Variants in POLN observed in about 807,000 individuals in gnomAD.
POLN encodes the protein DNA polymerase nu, also known as DNA polymerase N.
A neutral mutation model predicts 113.5 loss-of-function variants in POLN; 108 were observed. That is an observed-to-expected ratio of 0.95 (90% CI 0.81 to 1.12). The LOEUF is 1.12. POLN is among the 50% of genes most tolerant of loss of function. The pLI is 0.00. For missense variants in POLN, 1,097 were observed against 1,077.1 expected (o/e 1.02, Z -0.26); for synonymous variants, 386 against 391.5 (o/e 0.99, Z 0.17).
chr4:2,158,750 T>A (rs1482001910), intron 14 of POLN, among the ~76,000 whole-genome samples: 1 of 152,156 alleles, frequency 6.6e-6, no homozygotes, highest in Non-Finnish European at 1.5e-5. Context: ...ACTCATGAAA[T>A]CCCTGGCAAA....
At chr4:2,077,737 A>G (rs1450238088) in intron 23 of POLN, among the ~76,000 whole-genome samples, 1 of 152,268 alleles carries the variant, frequency 6.6e-6, no homozygotes, top group Non-Finnish European at 1.5e-5. Flanking sequence ...CTGGTGTGGC[A>G]GGAACCTAAG....
At chr4:2,099,960 T>C (rs1484728030) in intron 19 of POLN, among the ~76,000 whole-genome samples, 2 of 151,412 alleles carry the variant, frequency 1.3e-5, no homozygotes, top group Admixed American at 6.6e-5. Context: ...GTCCCAGCTA[T>C]GTGGTGGGCT....
At chr4:2,231,177 G>A (rs1398389287) in intron 2 of POLN, 3 of 152,180 alleles carry the variant, frequency 2.0e-5, no homozygotes, top group Non-Finnish European at 2.9e-5. Flanking sequence ...TCTATAGCAG[G>A]GAATTATGGA....
chr4:2,216,076 C>T (rs965752659), intron 3 of POLN, among the ~76,000 whole-genome samples: 2 of 152,204 alleles, frequency 1.3e-5, no homozygotes, highest in Non-Finnish European at 2.9e-5. Context: ...GGGTGCTTCC[C>T]TGCCCCCAGT....
At chr4:2,109,920 T>C (rs1731151566) in intron 19 of POLN, among the ~76,000 whole-genome samples, 1 of 152,242 alleles carries the variant, frequency 6.6e-6, no homozygotes, top group South Asian at 2.1e-4. Context: ...CCATTTTTTC[T>C]CCTTCATTGA....
rs1400554453 is a variant in POLN, at chr4:2,126,543, A to G, written c.1982+1570T>C. ...AGTAGAGCAATACATGGGAATGTGC[A>G]TCGGACCAGAGAGGAGCAGAGACCA... On this transcript the variant is annotated intron_variant, in intron 19 of 25. Coordinates refer to ENST00000511885, the MANE Select transcript of POLN (RefSeq NM_181808.4). This position sits in a 1 kb window ranked among gnomAD's most constrained non-coding sequence, Gnocchi z 4.6. 1.3e-5 allele frequency among the ~76,000 whole-genome samples: 2 copies of G among 152,172 alleles called. No homozygotes were observed. The highest frequency in any genetic ancestry group is 2.9e-5 in the Non-Finnish European group (2 of 68,018).
chr4:2,091,134 G>A (rs1161697204), intron 20 of POLN, among the ~76,000 whole-genome samples: 1 of 152,194 alleles, frequency 6.6e-6, no homozygotes, highest in African/African-American at 2.4e-5. Flanking sequence ...TCACTTCCCA[G>A]TGCCTCTGGG....
At chr4:2,084,411 G>C (rs1730501612) in intron 21 of POLN, among the ~76,000 whole-genome samples, 2 of 152,226 alleles carry the variant, frequency 1.3e-5, no homozygotes, top group South Asian at 4.1e-4. Flanking sequence ...GTTCTTCTCA[G>C]ACCTGGACGC....
chr4:2,153,867 A>G (rs1732355127), intron 16 of POLN, among the ~76,000 whole-genome samples: 1 of 151,792 alleles, frequency 6.6e-6, no homozygotes, highest in African/African-American at 2.4e-5. Flanking sequence ...TACAGGTGTG[A>G]GCCACTGCAC....
intron 3 of POLN, among the ~76,000 whole-genome samples, chr4:2,214,498 T>C (rs1316114024): frequency 1.3e-5 from 2 of 151,892 alleles, no homozygotes; most frequent in Non-Finnish European, 2.9e-5. Context: ...ATTTACAAGA[T>C]AAGACAAACA....
At chr4:2,135,337 G>A (rs901156144) in intron 16 of POLN, among the ~76,000 whole-genome samples, 2 of 152,184 alleles carry the variant, frequency 1.3e-5, no homozygotes, top group Non-Finnish European at 2.9e-5. Context: ...CTTCAGCAAG[G>A]CCTCTCTGGA....
intron 19 of POLN, among the ~76,000 whole-genome samples, chr4:2,098,722 C>T (rs1222976264): frequency 1.3e-5 from 2 of 152,232 alleles, no homozygotes; most frequent in African/African-American, 2.4e-5. Flanking sequence ...GGCCTAGAAG[C>T]AACCTGCTCA....
Position 2,208,305 on chromosome 4 carries a change from CT to C in POLN, c.395del (p.Lys132ArgfsTer9), listed in dbSNP as rs554874741. ...TTAGGAAATGCTTTCTTTTATGCCC[CT>C]TTTTCTGTAGAACTGAAGCCTCTTG... ...YNQEASVLQKKGHKRKHFLME... is the reference protein window; with the variant it reads ...YNQEASVLQKXGHKRKHFLME... On this transcript the variant is annotated frameshift_variant, in exon 5 of 26. Coordinates refer to ENST00000511885, the MANE Select transcript of POLN (RefSeq NM_181808.4). LOFTEE classifies it high-confidence loss of function. 6.0e-5 allele frequency: 97 copies of C among 1,605,416 alleles called. No individual in the cohort carries two copies. In the African/African-American group the frequency reaches 9.8e-4, roughly 16 times the overall value.
chr4:2,075,635 A>G (rs1577675807), intron 23 of POLN, 116 bp from the exon 24 acceptor site: 1 of 1,086,646 alleles, frequency 9.2e-7, no homozygotes, highest in African/African-American at 1.5e-5. Flanking sequence ...GCGGGGGCTC[A>G]GGGGTGCATG....
chr4:2,184,079 C>G (rs1034138615), intron 7 of POLN, among the ~76,000 whole-genome samples: 1 of 151,432 alleles, frequency 6.6e-6, no homozygotes, highest in Non-Finnish European at 1.5e-5. Flanking sequence ...GTCTTGAACT[C>G]CTGACCTCAG....
intron 24 of POLN, 110 bp downstream of exon 24, chr4:2,075,342 C>T: frequency 8.7e-7 from 1 of 1,149,086 alleles, no homozygotes; most frequent in Non-Finnish European, 1.3e-6. Flanking sequence ...GGGGCAGGGG[C>T]CATAAAAGGG....
chr4:2,238,961 A>C (rs774258288), intron 2 of POLN: 5 of 1,593,078 alleles, frequency 3.1e-6, no homozygotes, highest in Non-Finnish European at 4.3e-6. Context: ...TCTGTCTTTT[A>C]TTTGAGTGAC....
intron 2 of POLN, chr4:2,240,237 T>C (rs368361238): frequency 8.3e-5 from 134 of 1,613,728 alleles, no homozygotes; most frequent in Middle Eastern, 5.0e-4. Flanking sequence ...AAGTTGAAAA[T>C]TGTCTTCATT....
intron 19 of POLN, among the ~76,000 whole-genome samples, chr4:2,116,966 CA>C (rs1355650522): frequency 2.0e-5 from 3 of 152,210 alleles, no homozygotes; most frequent in African/African-American, 7.2e-5. Context: ...CAAATACTGA[CA>C]AAACAAATAG....
Sources: allele counts gnomAD v4.1 joint callset (sites outside exome capture counted in the v4.1 genomes callset), GRCh38; gene constraint gnomAD v4.1.1; non-coding constraint Gnocchi (gnomAD v3.1); transcripts MANE v1.5; gene names NCBI Gene and HGNC (gene_info 2026-07-23, HGNC 2026-07-21).